PRPF4: variants seen among roughly 807,000 people sequenced by gnomAD.
PRPF4 encodes pre-mRNA splicing tri-snRNP complex factor PRPF4.
In PRPF4, 14 loss-of-function variants were observed where a neutral mutation model predicts 72.2. The ratio of observed to expected loss-of-function variants is 0.19; its 90% CI spans 0.13 to 0.30. The LOEUF (loss-of-function observed/expected upper bound fraction) is 0.30. Ranked by LOEUF, PRPF4 falls within the 10% of genes least tolerant of loss-of-function variation. The pLI, the probability that PRPF4 is intolerant of heterozygous loss-of-function variation, is 1.00. For missense variants in PRPF4, 478 were observed against 653.9 expected (o/e 0.73, Z 2.93); for synonymous variants, 225 against 232.2 (o/e 0.97, Z 0.28).
rs2118653891 is a variant in PRPF4 at position 113,291,806 on chromosome 9, C to T, written c.*146C>T. The T allele has an allele frequency of 2.4e-6, 2 of 828,632 alleles. No homozygotes were observed. The highest frequency in any genetic ancestry group is 5.5e-5 in the East Asian group (2 of 36,216). 51.3% of individuals were successfully genotyped at this position (828,632 alleles called of 1,614,324 possible). On this transcript the variant is annotated 3_prime_UTR_variant, in exon 14 of 14. Transcript: ENST00000374198. ...CAGTAGAATTGGATTTCCATGTCAG[C>T]CCCCACTCCAGGAAGGCAGCCCAAT... is the stretch of plus-strand genomic sequence containing the variant.
intron 9 of PRPF4, among the ~76,000 whole-genome samples, chr9:113,287,217 G>C (rs962461678): frequency 2.0e-5 from 3 of 152,088 alleles, no homozygotes; most frequent in Non-Finnish European, 4.4e-5. Flanking sequence ...CTTGATTTTT[G>C]TCTATAGCCT....
chr9:113,292,234 C>G lies in PRPF4; in HGVS notation c.*574C>G, dbSNP rs573482359. 1 of 152,336 alleles carries G rather than the reference C, an allele frequency of 6.6e-6. No individual in the cohort carries two copies. Among genetic ancestry groups the G allele is most frequent in the African/African-American group, 2.4e-5 (1 of 41,448 alleles). 9.4% of individuals were successfully genotyped at this position (152,336 alleles called of 1,614,324 possible). On this transcript the variant is annotated 3_prime_UTR_variant, in exon 14 of 14. Transcript: ENST00000374198. The stretch of plus-strand genomic sequence containing the variant: ...GTCTCAAAAAAAAAAAAAATTTGTT[C>G]GAATGCCTTATAGCCTTCCTCACAG...
chr9:113,289,926 C>A (rs2418248), intron 10 of PRPF4, among the ~76,000 whole-genome samples: 151,364 of 152,350 alleles, frequency 0.99, 75,200 homozygotes, highest in Middle Eastern at 1. Context: ...CCTGTTATTA[C>A]AATAGCCACT....
intron 8 of PRPF4, 92 bp downstream of exon 8, chr9:113,286,382 A>G (rs1489587209): frequency 1.7e-6 from 2 of 1,190,882 alleles, no homozygotes; most frequent in Non-Finnish European, 2.5e-6. Flanking sequence ...CCCCATACAC[A>G]CAGCATTAAT....
chr9:113,291,374 T>A (rs923051631), intron 13 of PRPF4, 93 bp from the exon 14 acceptor site: 68 of 1,335,978 alleles, frequency 5.1e-5, no homozygotes, highest in East Asian at 1.8e-4. Flanking sequence ...CAAGTTTTTT[T>A]AAAAATAGTA....
intron 9 of PRPF4, among the ~76,000 whole-genome samples, 183 bp downstream of exon 9, chr9:113,287,011 A>G (rs1376432786): frequency 1.3e-5 from 2 of 152,124 alleles, no homozygotes; most frequent in African/African-American, 4.8e-5. Context: ...GAGATTGCAC[A>G]CTGCACTCCA....
In PRPF4 at chr9:113,288,154, A is replaced by G. The variant is rs541999991; in HGVS notation, c.933-21A>G. 16 of 1,611,296 alleles carry G rather than the reference A, an allele frequency of 9.9e-6. No homozygotes were observed. The South Asian group carries it at 1.4e-4, about 14-fold the overall frequency. On this transcript the variant is annotated intron_variant, in intron 9 of 13. Transcript: ENST00000374198. Reference sequence around the variant, plus strand: ...TATTTATATGTCTATAAAATTGTTTATATGTTTGGTTCCTTTCCAGTGATG... The same window carrying G: ...TATTTATATGTCTATAAAATTGTTTGTATGTTTGGTTCCTTTCCAGTGATG...
chr9:113,291,347 C>T (rs1832602810), intron 13 of PRPF4, 120 bp from the exon 14 acceptor site: 3 of 1,009,290 alleles, frequency 3.0e-6, no homozygotes, highest in African/African-American at 1.6e-5. Context: ...TTATTTGTTC[C>T]CTTAAGTCTG....
chr9:113,289,921 TATTACAATAGCC>T (rs1209777699), intron 10 of PRPF4, among the ~76,000 whole-genome samples: 1 of 152,098 alleles, frequency 6.6e-6, no homozygotes, highest in African/African-American at 2.4e-5. Flanking sequence ...GGAATCCTGT[TATTACAATAGCC>T]ACTAGGTTGG....
At chr9:113,279,245 A>G (rs1832198878) in intron 3 of PRPF4, 114 bp downstream of exon 3, 5 of 980,852 alleles carry the variant, frequency 5.1e-6, no homozygotes, top group Non-Finnish European at 5.9e-6. Flanking sequence ...CATGTTAACA[A>G]TATCTTACTG....
In PRPF4 at chr9:113,291,449, C is replaced by A. The variant is rs2118651890; in HGVS notation, c.1373-18C>A. On this transcript the variant is annotated intron_variant, in intron 13 of 13. Transcript: ENST00000374198. The stretch of plus-strand genomic sequence containing the variant: ...ATACTTGAATTCCTCAAGCAATTCC[C>A]CTTCTCTTCTCCTGTAGCTATCCAT... 1.3e-6 allele frequency: 2 copies of A among 1,593,788 alleles called. No individual in the cohort carries two copies. Among genetic ancestry groups the A allele is most frequent in the South Asian group, 1.1e-5 (1 of 89,840 alleles).
rs1417961967 is a variant in PRPF4, at chr9:113,279,151, A to T, written c.392+20A>T. On this transcript the variant is annotated intron_variant, in intron 3 of 13. Transcript: ENST00000374198. The stretch of plus-strand genomic sequence containing the variant: ...AGAAAGGTTGCCTTTCTAAATATTT[A>T]CTTTTTTTCTTTATTATAATCACAG... 1 of 1,587,160 alleles carries T rather than the reference A, an allele frequency of 6.3e-7. No individual in the cohort carries two copies. The highest frequency in any genetic ancestry group is 8.6e-7 in the Non-Finnish European group (1 of 1,167,730).
chr9:113,277,386 T>TTGTGTGTG (rs71367710), intron 2 of PRPF4, among the ~76,000 whole-genome samples: 3 of 149,974 alleles, frequency 2.0e-5, no homozygotes, highest in Non-Finnish European at 3.0e-5. Context: ...TGAAATCTTT[T>TTGTGTGTG]TGTGTGTGTG....
chr9:113,285,194 TAAG>T (rs1832399445), intron 7 of PRPF4, among the ~76,000 whole-genome samples: 3 of 151,296 alleles, frequency 2.0e-5, no homozygotes, highest in African/African-American at 4.9e-5. Flanking sequence ...ATTTCCAAAA[TAAG>T]AAGTCTCTAA....
chr9:113,290,804 A>G lies in PRPF4; in HGVS notation c.1250A>G (p.Asn417Ser), dbSNP rs764404012. The G allele has an allele frequency of 2.5e-6, 4 of 1,613,794 alleles. No individual in the cohort carries two copies. Among genetic ancestry groups the G allele is most frequent in the African/African-American group, 1.3e-5 (1 of 74,922 alleles). ...ATCTATGGAATAAATTTCTCCCCCAATGGGTAAAATAAACACACTGAATGA... is the reference window on the plus strand; with the variant it reads ...ATCTATGGAATAAATTTCTCCCCCAGTGGGTAAAATAAACACACTGAATGA... ...KEIYGINFSP[N>S]GYHIATGSGD... is the part of the protein sequence containing the mutation. The change falls in exon 12 of 14, where the codon AAT (asparagine) becomes AGT (serine). Residue 417 changes from asparagine to serine, a missense_variant. Coordinates refer to ENST00000374198, the MANE Select transcript of PRPF4 (RefSeq NM_001244926.2).
rs192925243 is a variant in PRPF4, at chr9:113,291,667, A to G, written c.*7A>G. On this transcript the variant is annotated 3_prime_UTR_variant, in exon 14 of 14. Coordinates refer to ENST00000374198, the MANE Select transcript of PRPF4 (RefSeq NM_001244926.2). Reference sequence around the variant, plus strand: ...GCTGTGGATGGCTGAATAGATGACAATGGGAAAAGGACTTGAACCTCAAGC... The same window carrying G: ...GCTGTGGATGGCTGAATAGATGACAGTGGGAAAAGGACTTGAACCTCAAGC... 6.4e-5 allele frequency: 104 copies of G among 1,613,522 alleles called. No individual in the cohort carries two copies. Among genetic ancestry groups the G allele is most frequent in the Admixed American group, 4.8e-4 (29 of 59,990 alleles).
At chr9:113,283,508 A>G (rs762777296) in intron 6 of PRPF4, 26 bp downstream of exon 6, 2 of 1,611,376 alleles carry the variant, frequency 1.2e-6, no homozygotes, top group Admixed American at 1.7e-5. Context: ...CAATTGTCCC[A>G]CATCTTAAAG....
rs755286665 is a variant in PRPF4, at chr9:113,276,803, T to C, written c.205+78T>C. The C allele has an allele frequency of 4.1e-6, 6 of 1,460,368 alleles. No individual in the cohort carries two copies. The Admixed American group carries it at 1.1e-4, about 28-fold the overall frequency. The allele number at this position is 1,460,368 out of a possible 1,614,324, so 90.5% of individuals were successfully genotyped here. A position where few individuals can be genotyped will look rare whatever the true frequency, so the allele number is the denominator to read the frequency against. On this transcript the variant is annotated intron_variant, in intron 2 of 13. Coordinates refer to ENST00000374198, the MANE Select transcript of PRPF4 (RefSeq NM_001244926.2). ...TCTAAACTTAAATACCACAGTTTTA[T>C]AATGTCAAAAAATTACAATTTTTTT...
chr9:113,281,094 A>G (rs1832266598), intron 3 of PRPF4, among the ~76,000 whole-genome samples: 1 of 152,118 alleles, frequency 6.6e-6, no homozygotes, highest in Admixed American at 6.5e-5. Context: ...CACCTCCTCA[A>G]GTGATCCGCC....
Sources: gnomAD v4.1 joint callset for allele counts (sites outside exome capture counted in the v4.1 genomes callset) on GRCh38, gnomAD v4.1.1 for gene constraint, MANE v1.5 for transcripts, NCBI Gene and HGNC (gene_info 2026-07-23, HGNC 2026-07-21) for gene names.